The following VKORC1L1 variants were observed in gnomAD, a reference collection of about 807,000 sequenced individuals.
The protein encoded by VKORC1L1 is vitamin K epoxide reductase complex subunit 1L1.
In VKORC1L1, 2 loss-of-function variants were observed where a neutral mutation model predicts 18.9. The ratio of observed to expected loss-of-function variants is 0.11; its 90% CI spans 0.04 to 0.33. The LOEUF (loss-of-function observed/expected upper bound fraction) is 0.33, where lower values mean the gene tolerates loss of function less well. Ranked by LOEUF, VKORC1L1 falls within the 10% of genes least tolerant of loss-of-function variation. The pLI is 1.00. For synonymous variants in VKORC1L1, 96 were observed against 100.0 expected (o/e 0.96, Z 0.24); for missense variants, 123 against 224.1 (o/e 0.55, Z 2.88).
At chr7:65,907,960 T>G (rs902267543) in intron 1 of VKORC1L1, among the ~76,000 whole-genome samples, 12 of 152,090 alleles carry the variant, frequency 7.9e-5, no homozygotes, top group African/African-American at 2.9e-4. Context: ...TGTGCTCTGG[T>G]CCCAGCTTTG....
At chr7:65,927,723 T>C (rs757554406) in intron 1 of VKORC1L1, among the ~76,000 whole-genome samples, 4 of 152,256 alleles carry the variant, frequency 2.6e-5, no homozygotes, top group Non-Finnish European at 5.9e-5. Flanking sequence ...GTATGTTCTT[T>C]AGGATCTTTC....
intron 1 of VKORC1L1, among the ~76,000 whole-genome samples, chr7:65,882,380 AAAAAT>A (rs767928170): frequency 1.9e-4 from 28 of 149,838 alleles, no homozygotes; most frequent in African/African-American, 6.4e-4. Flanking sequence ...ACTCCGTCTG[AAAAAT>A]AAAATAAAAT....
At chr7:65,949,196 T>G (rs1412302515) in intron 2 of VKORC1L1, among the ~76,000 whole-genome samples, 7 of 152,126 alleles carry the variant, frequency 4.6e-5, no homozygotes, top group South Asian at 2.1e-4. Context: ...AAATAATTTT[T>G]GGGCTGGGTG....
At chr7:65,953,509 TTTC>T (rs1462129723) in intron 2 of VKORC1L1, among the ~76,000 whole-genome samples, 1 of 152,226 alleles carries the variant, frequency 6.6e-6, no homozygotes, top group African/African-American at 2.4e-5. Flanking sequence ...GATTGCATGT[TTTC>T]TTTGTGTGCA....
chr7:65,905,785 G>T (rs1484002582), intron 1 of VKORC1L1, among the ~76,000 whole-genome samples: 1 of 151,822 alleles, frequency 6.6e-6, no homozygotes, highest in Non-Finnish European at 1.5e-5. Flanking sequence ...CCTTATGCTT[G>T]GTCCACGTGT....
At chr7:65,923,894 T>C (rs1789718017) in intron 1 of VKORC1L1, among the ~76,000 whole-genome samples, 2 of 152,188 alleles carry the variant, frequency 1.3e-5, no homozygotes, top group African/African-American at 2.4e-5. Flanking sequence ...TGTGGGTTCA[T>C]GTGATGATCG....
intron 1 of VKORC1L1, among the ~76,000 whole-genome samples, chr7:65,923,055 G>C (rs1318532745): frequency 6.6e-6 from 1 of 152,100 alleles, no homozygotes; most frequent in Non-Finnish European, 1.5e-5. Context: ...TCATAGGAAA[G>C]GTAACTGAGT....
intron 1 of VKORC1L1, among the ~76,000 whole-genome samples, chr7:65,936,969 G>C (rs1427107088): frequency 3.9e-5 from 6 of 152,174 alleles, no homozygotes; most frequent in Non-Finnish European, 8.8e-5. Flanking sequence ...GACAGGCTTT[G>C]AGGTGCCTGG....
intron 1 of VKORC1L1, among the ~76,000 whole-genome samples, chr7:65,931,585 G>T (rs1311217167): frequency 2.6e-5 from 4 of 151,884 alleles, no homozygotes; most frequent in Admixed American, 1.3e-4. Flanking sequence ...TTTGTATCTT[G>T]TTTTTTTATT....
chr7:65,878,091 C>G (rs1415651121), intron 1 of VKORC1L1, among the ~76,000 whole-genome samples: 5 of 151,920 alleles, frequency 3.3e-5, no homozygotes, highest in Non-Finnish European at 7.4e-5. Context: ...TCTCCCATAT[C>G]TTAAAAAAAA....
intron 1 of VKORC1L1, among the ~76,000 whole-genome samples, chr7:65,932,204 T>C (rs945196251): frequency 6.6e-6 from 1 of 151,922 alleles, no homozygotes; most frequent in Non-Finnish European, 1.5e-5. Flanking sequence ...TTCCAGTAAT[T>C]CTCCTGCCTC....
chr7:65,940,085 T>A (rs1790009955), intron 1 of VKORC1L1, among the ~76,000 whole-genome samples: 1 of 152,024 alleles, frequency 6.6e-6, no homozygotes. Context: ...AATGGAGCGA[T>A]GTGATCCTTG....
In VKORC1L1 at chr7:65,954,363, GTTT is replaced by G; in HGVS notation, c.*66_*68del. On this transcript the variant is annotated 3_prime_UTR_variant, in exon 3 of 3. Transcript: ENST00000360768. ...TTCCATTCAGTTTATTTTGCAGCAGGTTTTTATTATTATTATTATTATTATTAT... is the reference window on the plus strand; with the variant it reads ...TTCCATTCAGTTTATTTTGCAGCAGGTTATTATTATTATTATTATTATTAT... The G allele has an allele frequency of 1.3e-6, 2 of 1,525,924 alleles. No homozygotes were observed. Among genetic ancestry groups the G allele is most frequent in the Admixed American group, 2.2e-5 (1 of 46,394 alleles). 94.5% of individuals were successfully genotyped at this position (1,525,924 alleles called of 1,614,324 possible).
rs535524802 is a variant in VKORC1L1, at chr7:65,911,155, T to A, written c.195-37516T>A. ...TGGATTCACTTCCTTCACTGTCCTG[T>A]GGTTTACTATATTCAGAGGCATGTC... On this transcript the variant is annotated intron_variant, in intron 1 of 2. Coordinates refer to ENST00000360768, the MANE Select transcript of VKORC1L1 (RefSeq NM_173517.6). Among the ~76,000 whole-genome samples, 171 of 152,300 alleles carry A rather than the reference T, an allele frequency of 1.1e-3. 2 individuals carry two copies. Among genetic ancestry groups the A allele is most frequent in the African/African-American group, 3.9e-3 (164 of 41,576 alleles).
chr7:65,903,829 G>A (rs1789360747), intron 1 of VKORC1L1, among the ~76,000 whole-genome samples: 1 of 149,946 alleles, frequency 6.7e-6, no homozygotes, highest in East Asian at 2.0e-4. Context: ...ACCTGCACAA[G>A]AAGTGTTGAA....
At chr7:65,866,567 AG>A in the VKORC1L1 span, among the ~76,000 whole-genome samples, 1 of 152,206 alleles carries the variant, frequency 6.6e-6, no homozygotes, top group Non-Finnish European at 1.5e-5. Context: ...TGAGTATTCA[AG>A]GGAATAGAAT....
At chr7:65,909,984 G>C (rs1426107747) in intron 1 of VKORC1L1, among the ~76,000 whole-genome samples, 2 of 151,966 alleles carry the variant, frequency 1.3e-5, no homozygotes, top group Non-Finnish European at 2.9e-5. Flanking sequence ...CCAAAGTGCT[G>C]GGATTACAGG....
At chr7:65,909,378 G>A (rs1318425532) in intron 1 of VKORC1L1, among the ~76,000 whole-genome samples, 2 of 151,940 alleles carry the variant, frequency 1.3e-5, no homozygotes, top group South Asian at 2.1e-4. Context: ...CCGAGATGTC[G>A]TGATGGGAAT....
Position 65,942,214 on chromosome 7 carries a change from G to A in VKORC1L1, c.195-6457G>A, listed in dbSNP as rs183806938. 2.7e-3 allele frequency among the ~76,000 whole-genome samples: 405 copies of A among 152,148 alleles called. 1 individual carries two copies. Among genetic ancestry groups the A allele is most frequent in the Non-Finnish European group, 4.3e-3 (293 of 67,996 alleles). ...GAGTTTAAAGACTTGTTGGCCGGAT[G>A]CAGTGACTCACACCTGTAATCCCAG... is the stretch of plus-strand genomic sequence containing the variant. On this transcript the variant is annotated intron_variant, in intron 1 of 2. Transcript: ENST00000360768.
Sources: allele counts gnomAD v4.1 joint callset (sites outside exome capture counted in the v4.1 genomes callset), GRCh38; gene constraint gnomAD v4.1.1; transcripts MANE v1.5; gene names NCBI Gene and HGNC (gene_info 2026-07-23, HGNC 2026-07-21).